Variants in APAF1 observed in about 807,000 individuals in gnomAD.
The protein encoded by APAF1 is apoptotic peptidase activating factor 1.
APAF1 carries 91 observed loss-of-function variants against 152.4 expected under a neutral mutation model. That is an observed-to-expected ratio of 0.60 (90% CI 0.50 to 0.71). The LOEUF (loss-of-function observed/expected upper bound fraction) is 0.71, where lower values mean the gene tolerates loss of function less well. Among genes scored for constraint, APAF1 ranks in the 30% least tolerant of loss-of-function variants. The pLI is 0.00. For missense variants in APAF1, 1,283 were observed against 1,472.0 expected (o/e 0.87, Z 2.10); for synonymous variants, 484 against 494.1 (o/e 0.98, Z 0.27).
Position 98,666,506 on chromosome 12 carries a change from C to A in APAF1, c.1362+149C>A, listed in dbSNP as rs949038665. ...ATTAACATTTTATATAACCATAGTA[C>A]AGTTGTTAAAGCCAGAAAATTAACA... On this transcript the variant is annotated intron_variant, in intron 9 of 26. Coordinates refer to ENST00000551964, the MANE Select transcript of APAF1 (RefSeq NM_181861.2). 4 of 784,978 alleles carry A rather than the reference C, an allele frequency of 5.1e-6. No homozygotes were observed. The African/African-American group carries it at 5.3e-5, about 10-fold the overall frequency. 48.6% of individuals were successfully genotyped at this position (784,978 alleles called of 1,614,324 possible). A position where few individuals can be genotyped will look rare whatever the true frequency, so the allele number is the denominator to read the frequency against.
Position 98,725,496 on chromosome 12 carries a change from G to A in APAF1, c.3412G>A (p.Asp1138Asn). The A allele has an allele frequency of 2.5e-6, 4 of 1,614,164 alleles. No individual in the cohort carries two copies. The highest frequency in any genetic ancestry group is 3.4e-6 in the Non-Finnish European group (4 of 1,180,030). ...GCVRCSAFSVDSTLLATGDDN... is the reference protein window; with the variant it reads ...GCVRCSAFSVNSTLLATGDDN... ...TGTGCGCTGCTCTGCCTTCTCTGTG[G>A]ACAGTACCCTGCTGGCAACGGGAGA... Residue 1138 changes from aspartate to asparagine, a missense_variant, in exon 25 of 27, where the codon GAC becomes AAC. Asp to Asn is a conservative substitution (Grantham distance 23). Coordinates refer to ENST00000551964, the MANE Select transcript of APAF1 (RefSeq NM_181861.2).
chr12:98,723,491 C>T (rs1315259610), intron 23 of APAF1, 148 bp from the exon 24 acceptor site: 14 of 949,560 alleles, frequency 1.5e-5, no homozygotes, highest in African/African-American at 3.3e-5. Flanking sequence ...AGCATTTATA[C>T]TGTTAGTCAC....
intron 10 of APAF1, among the ~76,000 whole-genome samples, chr12:98,669,983 A>C (rs1269245905): frequency 7.0e-6 from 1 of 142,624 alleles, no homozygotes; most frequent in Non-Finnish European, 1.5e-5. Context: ...TCTGTTGCCC[A>C]GGCTGGAGTA....
intron 1 of APAF1, among the ~76,000 whole-genome samples, chr12:98,647,461 C>T (rs1295727661): frequency 1.3e-5 from 2 of 151,916 alleles, no homozygotes; most frequent in Non-Finnish European, 2.9e-5. Context: ...CAACCTCTGC[C>T]GCCCTGGTTC....
chr12:98,665,728 A>G lies in APAF1; in HGVS notation c.1131A>G (p.Glu377=). The change falls in exon 8 of 27, where the codon GAA becomes GAG. Residue 377 remains glutamate (E), a synonymous_variant. Coordinates refer to ENST00000551964, the MANE Select transcript of APAF1 (RefSeq NM_181861.2). Reference sequence around the variant, plus strand: ...CTATAAGTGTTGAAATGCTCAGAGAAGACATCAAAGATTATTACACAGATC... The same window carrying G: ...CTATAAGTGTTGAAATGCTCAGAGAGGACATCAAAGATTATTACACAGATC... ...AMSISVEMLR[E]DIKDYYTDLS... 3 of 1,614,156 alleles carry G rather than the reference A, an allele frequency of 1.9e-6. No individual in the cohort carries two copies. Among genetic ancestry groups the G allele is most frequent in the Non-Finnish European group, 2.5e-6 (3 of 1,180,008 alleles).
At chr12:98,669,097 G>A (rs149929649) in intron 10 of APAF1, among the ~76,000 whole-genome samples, 209 of 152,242 alleles carry the variant, frequency 1.4e-3, no homozygotes, top group African/African-American at 4.7e-3. Flanking sequence ...ATTTAATAGT[G>A]TATATTGGAA....
chr12:98,647,078 G>A (rs1467901547), intron 1 of APAF1, among the ~76,000 whole-genome samples: 1 of 152,066 alleles, frequency 6.6e-6, no homozygotes, highest in Non-Finnish European at 1.5e-5. Flanking sequence ...ATTAAAAAAG[G>A]AAGTATTTTA....
chr12:98,685,326 A>G (rs2097696819), intron 15 of APAF1, among the ~76,000 whole-genome samples: 1 of 151,424 alleles, frequency 6.6e-6, no homozygotes. Context: ...ATCTTATTTT[A>G]TAAATACCCC....
Position 98,672,207 on chromosome 12 carries a change from A to G in APAF1, c.1793+488A>G, listed in dbSNP as rs567571015. Among the ~76,000 whole-genome samples the G allele has an allele frequency of 2.6e-5, 4 of 152,114 alleles. No homozygotes were observed. In the South Asian group the frequency reaches 6.2e-4, roughly 24 times the overall value. On this transcript the variant is annotated intron_variant, in intron 12 of 26. Coordinates refer to ENST00000551964, the MANE Select transcript of APAF1 (RefSeq NM_181861.2). ...TGAGACAGAGTCTCACTATGTTGCC[A>G]AGGCTGGAGTGCAGTGGTGTGATCT...
At chr12:98,704,156 G>T (rs919707722) in intron 18 of APAF1, among the ~76,000 whole-genome samples, 17 of 151,942 alleles carry the variant, frequency 1.1e-4, no homozygotes, top group Admixed American at 1.3e-4. Flanking sequence ...TAGAAATGGG[G>T]GTCTCACTGT....
In APAF1 at chr12:98,667,112, A is replaced by AT. The variant is rs775551448; in HGVS notation, c.1363-388dup. Among the ~76,000 whole-genome samples, 1,110 of 142,334 alleles carry AT rather than the reference A, an allele frequency of 7.8e-3. 6 individuals are homozygous for AT. Among genetic ancestry groups the AT allele is most frequent in the African/African-American group, 0.014 (569 of 39,384 alleles). 93.4% of individuals were successfully genotyped at this position (142,334 alleles called of 152,430 possible). On this transcript the variant is annotated intron_variant, in intron 9 of 26. Transcript: ENST00000551964. ...GGAGATTCTCTGTATATATATATGTATTTTTTTTTTTTTGAGACAGGGTCT... is the reference window on the plus strand; with the variant it reads ...GGAGATTCTCTGTATATATATATGTATTTTTTTTTTTTTTGAGACAGGGTCT...
intron 8 of APAF1, 74 bp downstream of exon 8, chr12:98,665,865 T>A: frequency 7.7e-7 from 1 of 1,303,746 alleles, no homozygotes; most frequent in Non-Finnish European, 1.1e-6. Flanking sequence ...AGCATGTTGT[T>A]ACAGAGAACC....
At chr12:98,677,953 A>G (rs182931797) in intron 13 of APAF1, among the ~76,000 whole-genome samples, 105 of 152,152 alleles carry the variant, frequency 6.9e-4, no homozygotes, top group African/African-American at 2.4e-3. Context: ...TAGGAACTGG[A>G]CTAGACTATT....
rs764614689 is a variant in APAF1, at chr12:98,708,730, G to C, written c.2841+26G>C. 1.9e-6 allele frequency: 3 copies of C among 1,608,146 alleles called. No individual in the cohort carries two copies. In the East Asian group the frequency reaches 6.7e-5, roughly 36 times the overall value. ...GTGAGTATTTTTTAGAAAACAATTG[G>C]AAAATTGTTTTGGTTGAATTTTCTA... On this transcript the variant is annotated intron_variant, in intron 20 of 26. Coordinates refer to ENST00000551964, the MANE Select transcript of APAF1 (RefSeq NM_181861.2).
intron 15 of APAF1, 75 bp from the exon 16 acceptor site, chr12:98,686,673 A>G: frequency 7.0e-7 from 1 of 1,427,782 alleles, no homozygotes; most frequent in Non-Finnish European, 9.7e-7. Context: ...GAGAAAAGGA[A>G]GAACTTCACA....
chr12:98,646,019 T>C (rs2097639744), intron 1 of APAF1, among the ~76,000 whole-genome samples, 184 bp downstream of exon 1: 1 of 152,216 alleles, frequency 6.6e-6, no homozygotes, highest in South Asian at 2.1e-4. Context: ...CGTGCGCTGT[T>C]TTCTGTTTTA....
intron 16 of APAF1, among the ~76,000 whole-genome samples, chr12:98,693,465 G>C (rs1434671567): frequency 2.6e-5 from 4 of 152,094 alleles, no homozygotes; most frequent in African/African-American, 9.7e-5. Flanking sequence ...AATCACAATT[G>C]AGCCGTATCG....
intron 14 of APAF1, among the ~76,000 whole-genome samples, chr12:98,681,450 G>T (rs1212730667): frequency 6.6e-6 from 1 of 152,162 alleles, no homozygotes; most frequent in East Asian, 1.9e-4. Flanking sequence ...GAATTCAAGA[G>T]AAACTGAAGG....
intron 21 of APAF1, among the ~76,000 whole-genome samples, chr12:98,714,091 T>A (rs181461444): frequency 1.3e-5 from 2 of 152,368 alleles, no homozygotes; most frequent in African/African-American, 4.8e-5. Context: ...CATCTCAGGC[T>A]CATCTCTCAA....
Sources: gnomAD v4.1 joint callset for allele counts (sites outside exome capture counted in the v4.1 genomes callset) on GRCh38, gnomAD v4.1.1 for gene constraint, MANE v1.5 for transcripts, NCBI Gene and HGNC (gene_info 2026-07-23, HGNC 2026-07-21) for gene names.